The following NRG1 variants were observed in gnomAD, a reference collection of about 807,000 sequenced individuals.
NRG1 encodes neuregulin 1.
A neutral mutation model predicts 63.8 loss-of-function variants in NRG1; 18 were observed. The ratio of observed to expected loss-of-function variants is 0.28; its 90% confidence interval spans 0.19 to 0.42. The LOEUF (loss-of-function observed/expected upper bound fraction) is 0.42. NRG1 is among the 10% of genes least tolerant of loss of function. The pLI is 1.00. For missense variants in NRG1, 762 were observed against 814.7 expected (o/e 0.94, Z 0.79); for synonymous variants, 302 against 301.3 (o/e 1.00, Z -0.02).
intron 1 of NRG1, among the ~76,000 whole-genome samples, chr8:31,905,332 C>T (rs551956789): frequency 6.6e-6 from 1 of 152,116 alleles, no homozygotes; most frequent in African/African-American, 2.4e-5. Context: ...GTGCATTGGT[C>T]ACACAAAAGA....
intron 1 of NRG1, among the ~76,000 whole-genome samples, chr8:32,235,484 A>T (rs572989522): frequency 6.6e-6 from 1 of 152,218 alleles, no homozygotes; most frequent in African/African-American, 2.4e-5. Context: ...AGTGAATCTC[A>T]AACATCTGTT....
At chr8:32,495,664 C>T (rs2347498) in intron 1 of NRG1, among the ~76,000 whole-genome samples, 96,693 of 151,958 alleles carry the variant, frequency 0.64, 31,045 homozygotes, top group East Asian at 0.79. Flanking sequence ...GGTTTCGCCA[C>T]GTTGGCCAGG....
At chr8:32,762,406 C>T (rs906421765) in intron 11 of NRG1, among the ~76,000 whole-genome samples, 1 of 152,020 alleles carries the variant, frequency 6.6e-6, no homozygotes, top group Non-Finnish European at 1.5e-5. Context: ...TATTCCTGAA[C>T]CTAGAGATTA....
At chr8:31,732,567 G>C (rs1240741502) in intron 1 of NRG1, among the ~76,000 whole-genome samples, 2 of 152,078 alleles carry the variant, frequency 1.3e-5, no homozygotes, top group African/African-American at 4.8e-5. Flanking sequence ...TAGCATTAAA[G>C]TCAGGACTTT....
chr8:32,293,718 CTTT>C (rs770993591), intron 1 of NRG1, among the ~76,000 whole-genome samples: 7,080 of 108,252 alleles, frequency 0.065, 198 homozygotes, highest in South Asian at 0.093. Flanking sequence ...TTTTCTTCTT[CTTT>C]TTTTTTTTTT....
At chr8:31,906,004 T>C (rs936720052) in intron 1 of NRG1, among the ~76,000 whole-genome samples, 1 of 152,230 alleles carries the variant, frequency 6.6e-6, no homozygotes, top group African/African-American at 2.4e-5. Context: ...GTATTAGCCA[T>C]TAGCCTTGTA....
chr8:32,472,147 C>T (rs114369110), intron 1 of NRG1, among the ~76,000 whole-genome samples: 1,773 of 152,074 alleles, frequency 0.012, 31 homozygotes, highest in African/African-American at 0.041. Context: ...GAAGTTACTT[C>T]CAAAGACTCT....
chr8:32,096,640 G>C (rs928913564), intron 1 of NRG1, among the ~76,000 whole-genome samples: 63 of 152,304 alleles, frequency 4.1e-4, no homozygotes, highest in African/African-American at 1.5e-3. Flanking sequence ...AAGGTATAGA[G>C]AGCCCGTATG....
intron 1 of NRG1, among the ~76,000 whole-genome samples, chr8:31,642,278 CAT>C (rs2130834680): frequency 6.6e-6 from 1 of 152,288 alleles, no homozygotes; most frequent in East Asian, 1.9e-4. Flanking sequence ...GTCCAGTTTT[CAT>C]ATGTTTTATA....
chr8:32,245,026 A>G (rs1339985943), intron 1 of NRG1, among the ~76,000 whole-genome samples: 17 of 152,176 alleles, frequency 1.1e-4, no homozygotes, highest in Admixed American at 7.2e-4. Flanking sequence ...GATGATGTTC[A>G]GTCTCGGTTA....
At chr8:32,207,632 A>C (rs574866216) in intron 1 of NRG1, among the ~76,000 whole-genome samples, 29 of 152,322 alleles carry the variant, frequency 1.9e-4, no homozygotes, top group African/African-American at 6.7e-4. Context: ...ACATCATAAC[A>C]GCATATGGGG....
intron 1 of NRG1, among the ~76,000 whole-genome samples, chr8:31,875,091 G>C (rs1022163098): frequency 5.9e-5 from 9 of 152,170 alleles, no homozygotes; most frequent in Admixed American, 5.9e-4. Context: ...CGTTGAGGAA[G>C]CTGCCTTTCC....
At chr8:32,222,064 CAT>C (rs1051501436) in intron 1 of NRG1, among the ~76,000 whole-genome samples, 1 of 149,490 alleles carries the variant, frequency 6.7e-6, no homozygotes, top group Admixed American at 6.7e-5. Context: ...CACACACACA[CAT>C]GCACACACAC....
At chr8:32,211,123 G>T (rs1175820190) in intron 1 of NRG1, among the ~76,000 whole-genome samples, 1 of 152,088 alleles carries the variant, frequency 6.6e-6, no homozygotes. Context: ...TAGCATTTTG[G>T]TGTGTTTCTT....
At chr8:31,679,820 A>C (rs552019572) in intron 1 of NRG1, among the ~76,000 whole-genome samples, 65 of 152,268 alleles carry the variant, frequency 4.3e-4, no homozygotes, top group African/African-American at 1.4e-3. Context: ...ATCCCAAAAA[A>C]ATACAGATTA....
chr8:32,149,470 A>C (rs544426670), intron 1 of NRG1, among the ~76,000 whole-genome samples: 1 of 152,180 alleles, frequency 6.6e-6, no homozygotes, highest in South Asian at 2.1e-4. Context: ...CTCCAACATG[A>C]AGGGATGCCC....
chr8:32,636,712 G>A (rs1294947293), intron 5 of NRG1, among the ~76,000 whole-genome samples: 2 of 152,174 alleles, frequency 1.3e-5, no homozygotes, highest in Non-Finnish European at 2.9e-5. Flanking sequence ...GGTATTGGGT[G>A]AGGGGAGGGG....
intron 5 of NRG1, among the ~76,000 whole-genome samples, chr8:32,727,548 A>G (rs2129014201): frequency 1.3e-5 from 2 of 152,318 alleles, no homozygotes; most frequent in East Asian, 3.9e-4. Flanking sequence ...AATTTTATCA[A>G]TTGATTGCCA....
intron 1 of NRG1, among the ~76,000 whole-genome samples, chr8:31,893,682 A>G (rs1340975555): frequency 1.1e-5 from 1 of 90,200 alleles, no homozygotes; most frequent in Non-Finnish European, 2.2e-5. Flanking sequence ...AATATGTTCT[A>G]TGATTAAAGT....
Sources: allele counts gnomAD v4.1 joint callset (sites outside exome capture counted in the v4.1 genomes callset), GRCh38; gene constraint gnomAD v4.1.1; transcripts MANE v1.5; gene names NCBI Gene and HGNC (gene_info 2026-07-23, HGNC 2026-07-21).